The following ATF6 variants were observed in gnomAD, a reference collection of about 807,000 sequenced individuals.
The protein encoded by ATF6 is cyclic AMP-dependent transcription factor ATF-6 alpha.
ATF6 carries 53 observed loss-of-function variants against 83.6 expected under a neutral mutation model. That is an observed-to-expected ratio of 0.63 (90% CI 0.51 to 0.80). The LOEUF is 0.80. ATF6 is among the 30% of genes least tolerant of loss of function. The pLI is 0.00. For synonymous variants in ATF6, 288 were observed against 285.8 expected (o/e 1.01, Z -0.08); for missense variants, 744 against 797.9 (o/e 0.93, Z 0.81).
intron 15 of ATF6, among the ~76,000 whole-genome samples, chr1:161,916,540 A>G (rs1037052778): frequency 3.3e-5 from 5 of 152,206 alleles, no homozygotes. Context: ...AAAATTTAAC[A>G]TTGATACAGT....
intron 14 of ATF6, among the ~76,000 whole-genome samples, chr1:161,886,278 C>T (rs1456229134): frequency 6.6e-6 from 1 of 152,212 alleles, no homozygotes; most frequent in Non-Finnish European, 1.5e-5. Flanking sequence ...GAAATATGAT[C>T]AGACTTGCAT....
At position 161,888,587 on chromosome 1, in the gene ATF6, T is replaced by C. The variant is rs1052019500; in HGVS notation, c.1720-23709T>C. On this transcript the variant is annotated intron_variant, in intron 14 of 15. Transcript: ENST00000367942. The stretch of plus-strand genomic sequence containing the variant: ...TTACATAGTGTTTAATTCTACCTTT[T>C]CTCATTTCTCTATATCCAAAACTAT... 1.5e-4 allele frequency among the ~76,000 whole-genome samples: 23 copies of C among 152,190 alleles called. 1 individual carries two copies. The highest frequency in any genetic ancestry group is 1.5e-3 in the Admixed American group (23 of 15,286).
In ATF6 at chr1:161,853,337, T is replaced by C. The variant is rs1174408078; in HGVS notation, c.1533+14T>C. ...CGTATTCTTCAGGTATGTTTCTGTTTGTCTTTGAACAATAGTTGGCGTATT... is the reference window on the plus strand; with the variant it reads ...CGTATTCTTCAGGTATGTTTCTGTTCGTCTTTGAACAATAGTTGGCGTATT... On this transcript the variant is annotated intron_variant, in intron 12 of 15. Transcript: ENST00000367942. The C allele has an allele frequency of 6.3e-7, 1 of 1,595,882 alleles. No homozygotes were observed. The highest frequency in any genetic ancestry group is 1.7e-5 in the Admixed American group (1 of 59,920).
intron 6 of ATF6, among the ~76,000 whole-genome samples, chr1:161,796,879 T>C (rs1385851698): frequency 6.6e-6 from 1 of 152,028 alleles, no homozygotes; most frequent in Non-Finnish European, 1.5e-5. Flanking sequence ...TTTTGCCTGA[T>C]TGCTCTGGCT....
intron 4 of ATF6, among the ~76,000 whole-genome samples, chr1:161,786,853 C>T (rs1176341615): frequency 2.0e-5 from 3 of 152,212 alleles, no homozygotes; most frequent in African/African-American, 7.2e-5. Context: ...GTCCTTTAGA[C>T]TATCAAAAGG....
At chr1:161,845,821 T>G (rs1174222536) in intron 9 of ATF6, among the ~76,000 whole-genome samples, 1 of 151,574 alleles carries the variant, frequency 6.6e-6, no homozygotes, top group Admixed American at 6.6e-5. Context: ...TTTGCTTATA[T>G]GTATATATTT....
chr1:161,811,797 A>T (rs1169030749), intron 7 of ATF6, among the ~76,000 whole-genome samples: 1 of 151,884 alleles, frequency 6.6e-6, no homozygotes, highest in African/African-American at 2.4e-5. Flanking sequence ...CCATATACAC[A>T]CACAATTTTT....
chr1:161,819,360 G>A (rs114882118), intron 7 of ATF6, among the ~76,000 whole-genome samples: 1,980 of 152,228 alleles, frequency 0.013, 48 homozygotes, highest in African/African-American at 0.044. Flanking sequence ...TTCTGAGGGA[G>A]TTTCTAAGGG....
chr1:161,801,717 C>G (rs1286022188), intron 6 of ATF6, among the ~76,000 whole-genome samples: 1 of 152,090 alleles, frequency 6.6e-6, no homozygotes, highest in Non-Finnish European at 1.5e-5. Flanking sequence ...TAAGACAAAT[C>G]CTTTTAGCAC....
chr1:161,776,765 T>C (rs1176347145), intron 1 of ATF6, among the ~76,000 whole-genome samples: 1 of 152,196 alleles, frequency 6.6e-6, no homozygotes, highest in East Asian at 1.9e-4. Context: ...TAAGAGGAGA[T>C]GTCATACTCA....
In ATF6 at chr1:161,959,185, A is replaced by G. The variant is rs1689028968; in HGVS notation, c.*531A>G. On this transcript the variant is annotated 3_prime_UTR_variant, in exon 16 of 16. Coordinates refer to ENST00000367942, the MANE Select transcript of ATF6 (RefSeq NM_007348.4). The stretch of plus-strand genomic sequence containing the variant: ...TTTCAAAACCAGAAAAGCCAAAAAC[A>G]CTCCAAAAACAAGCAAAACAATTTG... The G allele has an allele frequency of 6.6e-6, 1 of 152,414 alleles. No individual in the cohort carries two copies. The highest frequency in any genetic ancestry group is 2.1e-4 in the South Asian group (1 of 4,822). 9.4% of individuals were successfully genotyped at this position (152,414 alleles called of 1,614,324 possible).
intron 15 of ATF6, among the ~76,000 whole-genome samples, chr1:161,916,080 A>G (rs1688094610): frequency 6.6e-6 from 1 of 152,082 alleles, no homozygotes; most frequent in African/African-American, 2.4e-5. Flanking sequence ...CACCCTTACC[A>G]AGCTTTTGCC....
intron 9 of ATF6, among the ~76,000 whole-genome samples, chr1:161,845,843 C>G (rs1225843546): frequency 2.6e-5 from 4 of 151,242 alleles, no homozygotes; most frequent in Non-Finnish European, 5.9e-5. Context: ...GTTGTTTTCT[C>G]CAAATGCTTA....
At chr1:161,839,008 A>G (rs1229951262) in intron 9 of ATF6, among the ~76,000 whole-genome samples, 1 of 152,174 alleles carries the variant, frequency 6.6e-6, no homozygotes, top group Non-Finnish European at 1.5e-5. Flanking sequence ...TCCTCCTTTT[A>G]GTCTCAGTTG....
At chr1:161,834,274 A>T (rs1686152807) in intron 9 of ATF6, among the ~76,000 whole-genome samples, 1 of 152,140 alleles carries the variant, frequency 6.6e-6, no homozygotes, top group South Asian at 2.1e-4. Flanking sequence ...CATGGAAAGG[A>T]TTTATAATCC....
chr1:161,818,607 G>A (rs1685674078), intron 7 of ATF6, among the ~76,000 whole-genome samples: 1 of 152,176 alleles, frequency 6.6e-6, no homozygotes, highest in African/African-American at 2.4e-5. Context: ...TAGAATAATT[G>A]AGTTCAAATG....
intron 9 of ATF6, among the ~76,000 whole-genome samples, chr1:161,829,664 A>G (rs922287574): frequency 1.9e-4 from 29 of 152,228 alleles, no homozygotes; most frequent in African/African-American, 6.3e-4. Context: ...ACAAATCAAT[A>G]AATGTAATCC....
chr1:161,858,621 C>G (rs542888449), intron 12 of ATF6, among the ~76,000 whole-genome samples: 42 of 152,082 alleles, frequency 2.8e-4, no homozygotes, highest in Non-Finnish European at 5.4e-4. Flanking sequence ...TCAACGTACA[C>G]AAAGCAAAAA....
chr1:161,833,741 A>T (rs1316419918), intron 9 of ATF6, among the ~76,000 whole-genome samples: 1 of 152,234 alleles, frequency 6.6e-6, no homozygotes, highest in Non-Finnish European at 1.5e-5. Flanking sequence ...AGCCTCCAAG[A>T]AATATGGGAC....
Sources: allele counts gnomAD v4.1 joint callset (sites outside exome capture counted in the v4.1 genomes callset), GRCh38; gene constraint gnomAD v4.1.1; transcripts MANE v1.5; gene names NCBI Gene and HGNC (gene_info 2026-07-23, HGNC 2026-07-21).